The following HINT1 variants were observed in gnomAD, a reference collection of about 807,000 sequenced individuals.
The protein encoded by HINT1 is adenosine 5'-monophosphoramidase HINT1.
Under a neutral mutation model 11.2 loss-of-function variants are expected in HINT1, and 12 were observed. The observed-to-expected ratio is 1.07, with a 90% CI of 0.69 to 1.74. The LOEUF (loss-of-function observed/expected upper bound fraction) is 1.74. HINT1 is among the 40% of genes most tolerant of loss of function. The pLI, the probability that HINT1 is intolerant of heterozygous loss-of-function variation, is 0.00. For synonymous variants in HINT1, 42 were observed against 52.6 expected (o/e 0.80, Z 0.87); for missense variants, 150 against 161.8 (o/e 0.93, Z 0.40).
intron 1 of HINT1, among the ~76,000 whole-genome samples, chr5:131,163,625 T>C (rs1401893663): frequency 6.6e-6 from 1 of 152,104 alleles, no homozygotes; most frequent in Non-Finnish European, 1.5e-5. Context: ...GTTTTGTAAC[T>C]ACATATTTGT....
intron 2 of HINT1, among the ~76,000 whole-genome samples, chr5:131,159,883 GCT>G (rs1194879543): frequency 1.3e-5 from 2 of 151,872 alleles, no homozygotes; most frequent in African/African-American, 4.8e-5. Context: ...ATGGGGTCTT[GCT>G]CTGTCACTCA....
At chr5:131,162,522 T>C (rs1312897180) in intron 2 of HINT1, 50 bp downstream of exon 2, 1 of 1,608,702 alleles carries the variant, frequency 6.2e-7, no homozygotes. Flanking sequence ...ACAAAATTAA[T>C]CTCACAATTT....
intron 2 of HINT1, chr5:131,160,742 T>A: frequency 9.8e-7 from 1 of 1,018,658 alleles, no homozygotes; most frequent in Admixed American, 2.5e-5. Context: ...AACTTTACAA[T>A]GGTGTGGCGA....
chr5:131,159,586 CCAA>C lies in HINT1; in HGVS notation c.239_241del (p.Val80del). 2 of 1,613,014 alleles carry C rather than the reference CCAA, an allele frequency of 1.2e-6. No homozygotes were observed. The highest frequency in any genetic ancestry group is 1.7e-6 in the Non-Finnish European group (2 of 1,179,448). Reference sequence around the variant, plus strand: ...GCCCAGATCAGCAGCACATTTCTTGCCAACAATCATTAAGTGTCCAAGAAGCTG... The same window carrying C: ...GCCCAGATCAGCAGCACATTTCTTGCCAATCATTAAGTGTCCAAGAAGCTG... On this transcript the variant is annotated inframe_deletion, in exon 3 of 3. Transcript: ENST00000304043.
intron 2 of HINT1, chr5:131,160,763 G>A: frequency 1.4e-6 from 1 of 706,914 alleles, no homozygotes. Flanking sequence ...TATGCATTCA[G>A]GAGAAACCAT....
intron 1 of HINT1, 50 bp from the exon 2 acceptor site, chr5:131,162,726 A>G (rs1278640606): frequency 8.2e-7 from 1 of 1,225,844 alleles, no homozygotes; most frequent in Non-Finnish European, 1.2e-6. Flanking sequence ...GTATATTGGT[A>G]GGATAAAACT....
chr5:131,162,112 T>G (rs936485460), intron 2 of HINT1: 3 of 327,554 alleles, frequency 9.2e-6, no homozygotes, highest in South Asian at 6.7e-5. Context: ...GATCACGAGG[T>G]CAGGAAATCG....
chr5:131,162,669 G>C lies in HINT1; in HGVS notation c.119C>G (p.Ala40Gly), dbSNP rs1561537337. 2 of 1,598,544 alleles carry C rather than the reference G, an allele frequency of 1.3e-6. No individual in the cohort carries two copies. The highest frequency in any genetic ancestry group is 1.7e-6 in the Non-Finnish European group (2 of 1,167,020). ...KIIFEDDRCLAFHDISPQAPT... is the reference protein window; with the variant it reads ...KIIFEDDRCLGFHDISPQAPT... ...TGCTTGAGGGGAAATGTCATGGAAAGCAAGGCACTAGGGAAAAGAGAAATA... is the reference window on the plus strand; with the variant it reads ...TGCTTGAGGGGAAATGTCATGGAAACCAAGGCACTAGGGAAAAGAGAAATA... The change falls in exon 2 of 3, where the codon GCT becomes GGT. Residue 40 changes from alanine to glycine, a missense_variant. By Grantham distance (60) the Ala-to-Gly change is moderately conservative (BLOSUM62 0). Transcript: ENST00000304043.
chr5:131,162,651 G>A lies in HINT1; in HGVS notation c.137C>T (p.Pro46Leu). 6.2e-7 allele frequency: 1 copy of A among 1,611,736 alleles called. No individual in the cohort carries two copies. Among genetic ancestry groups the A allele is most frequent in the Non-Finnish European group, 8.5e-7 (1 of 1,178,276 alleles). ...CACCAGAAAATGTGTTGGTGCTTGA[G>A]GGGAAATGTCATGGAAAGCAAGGCA... ...DRCLAFHDIS[P>L]QAPTHFLVIP... Residue 46 changes from proline to leucine, a missense_variant, in exon 2 of 3, where the codon CCT (proline) becomes CTT (leucine). Transcript: ENST00000304043.
At chr5:131,163,743 G>GA (rs1755315870) in intron 1 of HINT1, among the ~76,000 whole-genome samples, 1 of 152,108 alleles carries the variant, frequency 6.6e-6, no homozygotes, top group Non-Finnish European at 1.5e-5. Flanking sequence ...TTAGCATTTA[G>GA]ACTAATTATT....
rs1398887817 is a variant in HINT1, at chr5:131,165,175, C to A, written c.31G>T (p.Ala11Ser). 3 of 1,610,134 alleles carry A rather than the reference C, an allele frequency of 1.9e-6. No individual in the cohort carries two copies. Among genetic ancestry groups the A allele is most frequent in the Admixed American group, 3.3e-5 (2 of 60,008 alleles). ...AAGATCGTGTCGCCACCAGGCCGAG[C>A]GACCTGAGCCTTGGCAATCTCATCT... MADEIAKAQVARPGGDTIFGK... is the reference protein window; with the variant it reads MADEIAKAQVSRPGGDTIFGK... The change falls in exon 1 of 3, where the codon GCT becomes TCT. Residue 11 changes from alanine (A) to serine (S), a missense_variant. Coordinates refer to ENST00000304043, the MANE Select transcript of HINT1 (RefSeq NM_005340.7).
intron 1 of HINT1, among the ~76,000 whole-genome samples, chr5:131,163,923 T>A (rs761287855): frequency 2.0e-5 from 3 of 152,242 alleles, no homozygotes; most frequent in Non-Finnish European, 2.9e-5. Context: ...TTCCTGCCGT[T>A]CTACAGTTGG....
Position 131,161,590 on chromosome 5 carries a change from C to G in HINT1, c.216+982G>C, listed in dbSNP as rs796808054. ...AGCCTGGGCAACAAGAACGAAACTC[C>G]GTCTCAAAAAAAAAAAAAAAAGAAA... On this transcript the variant is annotated intron_variant, in intron 2 of 2. Transcript: ENST00000304043. Among the ~76,000 whole-genome samples the G allele has an allele frequency of 2.3e-4, 33 of 144,050 alleles. 1 individual carries two copies. The South Asian group carries it at 2.4e-3, about 10-fold the overall frequency. The allele number at this position is 144,050 out of a possible 152,430, so 94.5% of individuals were successfully genotyped here.
At chr5:131,163,238 G>A (rs1755303117) in intron 1 of HINT1, among the ~76,000 whole-genome samples, 1 of 152,224 alleles carries the variant, frequency 6.6e-6, no homozygotes, top group South Asian at 2.1e-4. Flanking sequence ...GGAAAAGCCT[G>A]ATTTAGATTA....
chr5:131,164,851 G>A (rs1476362449), intron 1 of HINT1, among the ~76,000 whole-genome samples: 1 of 151,752 alleles, frequency 6.6e-6, no homozygotes, highest in Non-Finnish European at 1.5e-5. Context: ...GGCACTCAGG[G>A]CGCCCGGCGG....
rs529646770 is a variant in HINT1, at chr5:131,164,608, A to G, written c.111+487T>C. ...AGCGCCCCTGGGGCCCTCGAGCACA[A>G]TGCCTTGCTGAGCAGCGCCCAGGAA... On this transcript the variant is annotated intron_variant, in intron 1 of 2. Transcript: ENST00000304043. 3.3e-5 allele frequency among the ~76,000 whole-genome samples: 5 copies of G among 152,226 alleles called. No homozygotes were observed. In the South Asian group the frequency reaches 8.3e-4, roughly 25 times the overall value.
chr5:131,165,063 A>G, intron 1 of HINT1, 32 bp downstream of exon 1: 1 of 1,613,086 alleles, frequency 6.2e-7, no homozygotes, highest in Non-Finnish European at 8.5e-7. Flanking sequence ...TACCCACCTC[A>G]GCAGGCGAGA....
chr5:131,162,840 A>T (rs572187491), intron 1 of HINT1, among the ~76,000 whole-genome samples, 164 bp from the exon 2 acceptor site: 1 of 151,966 alleles, frequency 6.6e-6, no homozygotes, highest in Admixed American at 6.6e-5. Context: ...CTTTCCATGG[A>T]AGTCTTTTTT....
intron 2 of HINT1, chr5:131,160,653 T>G (rs1402833746): frequency 8.7e-7 from 1 of 1,154,790 alleles, no homozygotes; most frequent in East Asian, 6.1e-5. Context: ...GGACTCTGCT[T>G]ACCTTACTCA....
Sources: allele counts gnomAD v4.1 joint callset (sites outside exome capture counted in the v4.1 genomes callset), GRCh38; gene constraint gnomAD v4.1.1; transcripts MANE v1.5; gene names NCBI Gene and HGNC (gene_info 2026-07-23, HGNC 2026-07-21).